GAS7: variants seen among roughly 807,000 people sequenced by gnomAD.
GAS7 encodes growth arrest specific 7.
A neutral mutation model predicts 71.1 loss-of-function variants in GAS7; 28 were observed. The ratio of observed to expected loss-of-function variants is 0.39; its 90% CI spans 0.29 to 0.54. The LOEUF is 0.54. Ranked by LOEUF, GAS7 falls within the 20% of genes least tolerant of loss-of-function variation. The probability of loss-of-function intolerance (pLI) is 0.62; values close to 1 mark genes in which losing one functional copy is unlikely to be tolerated. For synonymous variants in GAS7, 258 were observed against 245.8 expected (o/e 1.05, Z -0.46); for missense variants, 436 against 627.8 (o/e 0.69, Z 3.27).
intron 2 of GAS7, among the ~76,000 whole-genome samples, chr17:10,010,318 A>AT (rs1376453653): frequency 1.3e-4 from 20 of 151,760 alleles, no homozygotes; most frequent in Non-Finnish European, 2.5e-4. Context: ...GCCGGGCTAA[A>AT]TTTTTGTGTT....
chr17:10,133,912 T>C (rs1210746566), intron 1 of GAS7, among the ~76,000 whole-genome samples: 2 of 152,214 alleles, frequency 1.3e-5, no homozygotes, highest in Non-Finnish European at 2.9e-5. Context: ...TGCCATTGTG[T>C]ATATATACAG....
chr17:10,090,903 GA>G (rs1249903237), intron 1 of GAS7, among the ~76,000 whole-genome samples: 1 of 152,160 alleles, frequency 6.6e-6, no homozygotes, highest in East Asian at 1.9e-4. Context: ...ACATGCTGGA[GA>G]GCCGCTTGAA....
chr17:10,074,352 A>G (rs1241608341), intron 1 of GAS7, among the ~76,000 whole-genome samples: 1 of 152,172 alleles, frequency 6.6e-6, no homozygotes, highest in Non-Finnish European at 1.5e-5. Flanking sequence ...TTACACTGAC[A>G]TTTTTAACAT....
chr17:9,912,421 T>A lies in GAS7; in HGVS notation c.*4807A>T, dbSNP rs2067462866. ...ATGAAGCAACAGATCCAGGAAAGCATCATGATGAGCCCCAGGGCCAGCCCC... is the reference window on the plus strand; with the variant it reads ...ATGAAGCAACAGATCCAGGAAAGCAACATGATGAGCCCCAGGGCCAGCCCC... On this transcript the variant is annotated 3_prime_UTR_variant, in exon 14 of 14. Transcript: ENST00000432992. 1 of 232,932 alleles carries A rather than the reference T, an allele frequency of 4.3e-6. No individual in the cohort carries two copies. Among genetic ancestry groups the A allele is most frequent in the Non-Finnish European group, 8.5e-6 (1 of 117,974 alleles). 14.4% of individuals were successfully genotyped at this position (232,932 alleles called of 1,614,324 possible). A position where few individuals can be genotyped will look rare whatever the true frequency, so the allele number is the denominator to read the frequency against.
chr17:9,975,409 T>C (rs1380522698), intron 3 of GAS7, among the ~76,000 whole-genome samples: 1 of 152,066 alleles, frequency 6.6e-6, no homozygotes, highest in Non-Finnish European at 1.5e-5. Context: ...AAGCCCTGGT[T>C]CTTGAAATCC....
Position 9,917,339 on chromosome 17 carries a change from T to C in GAS7, c.1320A>G (p.Thr440=), listed in dbSNP as rs771069065. Residue 440 remains threonine (T), a splice_region_variant and synonymous_variant, in exon 14 of 14, where the codon ACA becomes ACG. Transcript: ENST00000432992. ...GAAGCAGCTGATCCACGGGCTCGAC[T>C]GTCTGCAAGAGACAGAGAAAATGCG... ...RHETDMFNQS[T]VEPVDQLLRK... 3.4e-5 allele frequency: 54 copies of C among 1,609,272 alleles called. No homozygotes were observed. The highest frequency in any genetic ancestry group is 4.2e-5 in the Non-Finnish European group (49 of 1,175,624).
In GAS7 at chr17:9,917,987, G is replaced by A. The variant is rs1476150928; in HGVS notation, c.1317+14C>T. On this transcript the variant is annotated intron_variant, in intron 13 of 13. Coordinates refer to ENST00000432992, the MANE Select transcript of GAS7 (RefSeq NM_201433.2). The stretch of plus-strand genomic sequence containing the variant: ...CCCGTGTCGCCCGGGAGCCCCGCTG[G>A]GCTGGAAACTCACGCTTTGGTTGAA... 1 of 1,597,154 alleles carries A rather than the reference G, an allele frequency of 6.3e-7. No homozygotes were observed. Among genetic ancestry groups the A allele is most frequent in the Admixed American group, 1.7e-5 (1 of 59,916 alleles).
intron 5 of GAS7, among the ~76,000 whole-genome samples, chr17:9,949,978 C>T (rs1458154676): frequency 2.0e-5 from 3 of 151,898 alleles, no homozygotes; most frequent in African/African-American, 7.3e-5. Flanking sequence ...TCTCCTGCCT[C>T]AGCCTCTCCC....
In GAS7 at chr17:10,055,286, C is replaced by T. The variant is rs145329337; in HGVS notation, c.184-35389G>A. On this transcript the variant is annotated intron_variant, in intron 1 of 13. Coordinates refer to ENST00000432992, the MANE Select transcript of GAS7 (RefSeq NM_201433.2). ...GGGAAGGAAGGTTGGATCCATGCCT[C>T]GTGGGAGATGTAAGGTACCCAAACC... 4.7e-4 allele frequency among the ~76,000 whole-genome samples: 72 copies of T among 152,224 alleles called. No homozygotes were observed. In the East Asian group the frequency reaches 8.9e-3, roughly 19 times the overall value.
chr17:9,986,656 G>A (rs568893734), intron 2 of GAS7, among the ~76,000 whole-genome samples: 100 of 152,266 alleles, frequency 6.6e-4, no homozygotes, highest in Non-Finnish European at 1.3e-3. Flanking sequence ...GTGGGGACCC[G>A]ATGGGAGGCC....
At chr17:10,115,587 A>C (rs528229954) in intron 1 of GAS7, among the ~76,000 whole-genome samples, 16 of 152,314 alleles carry the variant, frequency 1.1e-4, no homozygotes, top group African/African-American at 3.8e-4. Context: ...GGCAGTGTCC[A>C]TACACTTGGG....
intron 4 of GAS7, among the ~76,000 whole-genome samples, chr17:9,963,601 G>A (rs2069588733): frequency 6.6e-6 from 1 of 152,034 alleles, no homozygotes; most frequent in East Asian, 1.9e-4. Flanking sequence ...AGGTATGGTG[G>A]CGCACACCTG....
intron 7 of GAS7, among the ~76,000 whole-genome samples, chr17:9,940,737 C>G (rs934958426): frequency 6.6e-6 from 1 of 152,192 alleles, no homozygotes; most frequent in Non-Finnish European, 1.5e-5. Context: ...CTAGCAGTGC[C>G]CAGGGCTGCA....
chr17:10,000,977 G>C (rs1384827942), intron 2 of GAS7, among the ~76,000 whole-genome samples: 1 of 151,902 alleles, frequency 6.6e-6, no homozygotes, highest in Non-Finnish European at 1.5e-5. Context: ...AGAGCACACG[G>C]GCTGGGCATT....
intron 6 of GAS7, among the ~76,000 whole-genome samples, chr17:9,944,637 G>T (rs1403034231): frequency 6.6e-6 from 1 of 152,140 alleles, no homozygotes; most frequent in African/African-American, 2.4e-5. Context: ...CCCCTCCCTC[G>T]GGTGCCATAA....
At chr17:9,995,185 C>T (rs79321369) in intron 2 of GAS7, among the ~76,000 whole-genome samples, 4,217 of 152,288 alleles carry the variant, frequency 0.028, 193 homozygotes, top group African/African-American at 0.095. Context: ...CTATCCCTCC[C>T]ACCAGATGTA....
chr17:9,946,800 C>T (rs1439338015), intron 6 of GAS7, 94 bp downstream of exon 6: 14 of 733,814 alleles, frequency 1.9e-5, no homozygotes, highest in Non-Finnish European at 3.0e-5. Context: ...AGAAAGGCCC[C>T]TCCACTTTGA....
intron 1 of GAS7, among the ~76,000 whole-genome samples, chr17:10,151,274 G>A (rs73974426): frequency 0.014 from 2,105 of 152,058 alleles, 47 homozygotes; most frequent in African/African-American, 0.049. Context: ...CTAGTAGCTG[G>A]GACTATAGGC....
intron 1 of GAS7, among the ~76,000 whole-genome samples, chr17:10,025,525 A>T (rs2072432807): frequency 6.6e-6 from 1 of 151,896 alleles, no homozygotes. Flanking sequence ...CTCTTTATTT[A>T]AAAAAACAAC....
Sources: allele counts gnomAD v4.1 joint callset (sites outside exome capture counted in the v4.1 genomes callset), GRCh38; gene constraint gnomAD v4.1.1; transcripts MANE v1.5; gene names NCBI Gene and HGNC (gene_info 2026-07-23, HGNC 2026-07-21).